TBXAS1: variants seen among roughly 807,000 people sequenced by gnomAD.
TBXAS1 encodes the protein thromboxane A synthase 1.
TBXAS1 carries 48 observed loss-of-function variants against 60.7 expected under a neutral mutation model. The observed-to-expected ratio is 0.79, with a 90% CI of 0.63 to 1.01. The LOEUF is 1.01. TBXAS1 is among the 50% of genes least tolerant of loss of function. The pLI is 0.00. For synonymous variants in TBXAS1, 287 were observed against 269.7 expected (o/e 1.06, Z -0.63); for missense variants, 685 against 686.3 (o/e 1.00, Z 0.02).
At chr7:139,893,843 A>G (rs927542626) in intron 3 of TBXAS1, among the ~76,000 whole-genome samples, 1 of 152,220 alleles carries the variant, frequency 6.6e-6, no homozygotes, top group African/African-American at 2.4e-5. Flanking sequence ...AATAAATTAG[A>G]TGGGTGGGTA....
chr7:139,809,361 TAGATAGACAGAC>T (rs1305514219), intron 4 of TBXAS1, among the ~76,000 whole-genome samples: 30 of 146,678 alleles, frequency 2.0e-4, no homozygotes, highest in African/African-American at 7.3e-4. Flanking sequence ...GATAGATAGA[TAGATAGACAGAC>T]AGAACCAACA....
At chr7:139,966,625 T>C (rs188231064) in intron 9 of TBXAS1, among the ~76,000 whole-genome samples, 11 of 152,364 alleles carry the variant, frequency 7.2e-5, no homozygotes, top group African/African-American at 2.6e-4. Context: ...GTTTTTTGTT[T>C]CATTTTTTTC....
chr7:139,804,854 A>C (rs1428369779), intron 4 of TBXAS1, among the ~76,000 whole-genome samples: 1 of 152,162 alleles, frequency 6.6e-6, no homozygotes, highest in Non-Finnish European at 1.5e-5. Flanking sequence ...TTTTCTTTAT[A>C]AGTTACTCAG....
At position 140,002,038 on chromosome 7, in the gene TBXAS1, C is replaced by T. The variant is rs565530254; in HGVS notation, c.1135-5053C>T. 8.5e-5 allele frequency among the ~76,000 whole-genome samples: 13 copies of T among 152,266 alleles called. No individual in the cohort carries two copies. In the East Asian group the frequency reaches 1.7e-3, roughly 20 times the overall value. On this transcript the variant is annotated intron_variant, in intron 9 of 12. Coordinates refer to ENST00000448866, the MANE Select transcript of TBXAS1 (RefSeq NM_001061.7). The stretch of plus-strand genomic sequence containing the variant: ...AAGCTCCGAGAGGCTAGGACATGTC[C>T]GTGCATTTTAAAGTTACGTCTCCCG...
intron 3 of TBXAS1, among the ~76,000 whole-genome samples, chr7:139,904,304 T>C (rs1253415786): frequency 1.3e-5 from 2 of 152,138 alleles, no homozygotes; most frequent in Non-Finnish European, 2.9e-5. Context: ...CATTGGTCTA[T>C]ATGCCTGTTT....
intron 4 of TBXAS1, among the ~76,000 whole-genome samples, chr7:139,918,470 C>A (rs551044139): frequency 1.3e-5 from 2 of 152,272 alleles, no homozygotes; most frequent in Middle Eastern, 6.8e-3. Flanking sequence ...ATATCAGGAA[C>A]ACCCTTGTCC....
rs188550963 is a variant in TBXAS1, at chr7:139,778,898, C to T, written c.-318+427C>T. On this transcript the variant is annotated intron_variant, in intron 1 of 16. Transcript: ENST00000336425. The surrounding 1 kb of genome is among the most constrained non-coding windows in gnomAD (Gnocchi z 4.8). The stretch of plus-strand genomic sequence containing the variant: ...TCCAACTTAGGAAGACTTGTTGAGT[C>T]TCCTCTTAGGCACTGTTTTTAAAAC... Among the ~76,000 whole-genome samples the T allele has an allele frequency of 6.6e-6, 1 of 152,310 alleles. No homozygotes were observed. The highest frequency in any genetic ancestry group is 6.5e-5 in the Admixed American group (1 of 15,304).
intron 5 of TBXAS1, among the ~76,000 whole-genome samples, chr7:139,943,252 C>T (rs1808432944): frequency 6.6e-6 from 1 of 152,152 alleles, no homozygotes; most frequent in Non-Finnish European, 1.5e-5. Context: ...CTTCAGAGTC[C>T]AAAAATACAT....
chr7:139,905,088 CCT>C (rs755696056), intron 3 of TBXAS1, among the ~76,000 whole-genome samples: 32 of 105,094 alleles, frequency 3.0e-4, no homozygotes, highest in Non-Finnish European at 3.1e-4. Flanking sequence ...TCTCTTTCTC[CCT>C]CTCTCTCTCT....
chr7:139,835,080 T>C (rs1181482493), intron 1 of TBXAS1, among the ~76,000 whole-genome samples: 3 of 151,572 alleles, frequency 2.0e-5, no homozygotes, highest in African/African-American at 7.3e-5. Flanking sequence ...TTTTTTTTTT[T>C]TTCTGAGACA....
At position 139,831,720 on chromosome 7, in the gene TBXAS1, T is replaced by A. The variant is rs368666185; in HGVS notation, c.89+2241T>A. Among the ~76,000 whole-genome samples the A allele has an allele frequency of 3.3e-5, 5 of 152,216 alleles. No individual in the cohort carries two copies. In the East Asian group the frequency reaches 7.7e-4, roughly 24 times the overall value. ...GCCAAGGCAGACAGATCACTTGAGG[T>A]CAGAAGTTCGAGACCAGCCTGGCCA... On this transcript the variant is annotated intron_variant, in intron 1 of 12. Transcript: ENST00000448866.
At chr7:139,905,552 A>G (rs1053490500) in intron 3 of TBXAS1, among the ~76,000 whole-genome samples, 1 of 152,178 alleles carries the variant, frequency 6.6e-6, no homozygotes, top group African/African-American at 2.4e-5. Context: ...ATCTATGTTC[A>G]TCAAGGATAT....
At chr7:139,891,257 TTA>T (rs1013168124) in intron 3 of TBXAS1, among the ~76,000 whole-genome samples, 6 of 149,634 alleles carry the variant, frequency 4.0e-5, no homozygotes, top group Admixed American at 6.7e-5. Flanking sequence ...ATTTATTTAT[TTA>T]TATATATATA....
At chr7:139,798,431 C>T (rs149246599) in intron 4 of TBXAS1, among the ~76,000 whole-genome samples, 45 of 152,224 alleles carry the variant, frequency 3.0e-4, no homozygotes, top group African/African-American at 9.4e-4. Flanking sequence ...CCTGAAACTA[C>T]GTTATTAACT....
chr7:139,836,973 AC>A (rs1799107506), intron 1 of TBXAS1, among the ~76,000 whole-genome samples: 1 of 152,210 alleles, frequency 6.6e-6, no homozygotes, highest in African/African-American at 2.4e-5. Flanking sequence ...TAAGAAAAAA[AC>A]AATCCCATCA....
chr7:139,988,081 C>T (rs1358408180), intron 9 of TBXAS1, among the ~76,000 whole-genome samples: 1 of 152,236 alleles, frequency 6.6e-6, no homozygotes, highest in African/African-American at 2.4e-5. Flanking sequence ...GAGGCCTGTC[C>T]CAGCAGGACG....
chr7:139,923,195 C>T (rs184995203), intron 4 of TBXAS1, among the ~76,000 whole-genome samples: 1,773 of 150,302 alleles, frequency 0.012, 39 homozygotes, highest in African/African-American at 0.042. Context: ...GGCATGGTGG[C>T]GCATGCCTGT....
intron 7 of TBXAS1, among the ~76,000 whole-genome samples, chr7:139,956,142 TTTA>T (rs924664434): frequency 6.6e-6 from 1 of 151,944 alleles, no homozygotes; most frequent in Non-Finnish European, 1.5e-5. Flanking sequence ...TTTTATTTTA[TTTA>T]TTATTATTAT....
At chr7:139,847,196 A>T (rs1302076251) in intron 1 of TBXAS1, among the ~76,000 whole-genome samples, 1 of 152,224 alleles carries the variant, frequency 6.6e-6, no homozygotes, top group African/African-American at 2.4e-5. Flanking sequence ...GAAATTTTTC[A>T]AATTTTCCCA....
Sources: allele counts gnomAD v4.1 joint callset (sites outside exome capture counted in the v4.1 genomes callset), GRCh38; gene constraint gnomAD v4.1.1; non-coding constraint Gnocchi (gnomAD v3.1); transcripts MANE v1.5; gene names NCBI Gene and HGNC (gene_info 2026-07-23, HGNC 2026-07-21).